The following SLC25A13 variants were observed in gnomAD, a reference collection of about 807,000 sequenced individuals.
SLC25A13 encodes electrogenic aspartate/glutamate antiporter SLC25A13, mitochondrial.
In SLC25A13, 70 loss-of-function variants were observed where a neutral mutation model predicts 85.5. The ratio of observed to expected loss-of-function variants is 0.82; its 90% CI spans 0.68 to 1.00. The LOEUF (loss-of-function observed/expected upper bound fraction) is 1.00, where lower values mean the gene tolerates loss of function less well. Ranked by LOEUF, SLC25A13 falls within the 50% of genes least tolerant of loss-of-function variation. SLC25A13 has a pLI of 0.00. For synonymous variants in SLC25A13, 259 were observed against 288.7 expected, an observed-to-expected ratio of 0.90 and a Z score of 1.04; for missense variants, 765 against 819.8, an observed-to-expected ratio of 0.93 and a Z score of 0.82.
chr7:96,145,681 C>CAATG (rs1182497050), intron 14 of SLC25A13, among the ~76,000 whole-genome samples: 1 of 152,102 alleles, frequency 6.6e-6, no homozygotes, highest in Non-Finnish European at 1.5e-5. Flanking sequence ...AAAATGAAGA[C>CAATG]AATGTATTCT....
chr7:96,188,798 C>G (rs1216234934), intron 9 of SLC25A13, among the ~76,000 whole-genome samples: 2 of 152,200 alleles, frequency 1.3e-5, no homozygotes, highest in African/African-American at 2.4e-5. Flanking sequence ...GAAAATAGGT[C>G]TGAAAGCCTT....
chr7:96,271,206 C>T (rs1209755109), intron 3 of SLC25A13, among the ~76,000 whole-genome samples: 3 of 152,102 alleles, frequency 2.0e-5, no homozygotes, highest in South Asian at 2.1e-4. Flanking sequence ...CTTCTATTCC[C>T]GGGCTTTCGT....
At chr7:96,182,334 T>C (rs1794448472) in intron 11 of SLC25A13, among the ~76,000 whole-genome samples, 1 of 152,206 alleles carries the variant, frequency 6.6e-6, no homozygotes, top group African/African-American at 2.4e-5. Flanking sequence ...AGAAAAGATA[T>C]CAGGAAGAAA....
At chr7:96,285,066 C>T (rs1173583354) in intron 2 of SLC25A13, among the ~76,000 whole-genome samples, 1 of 152,212 alleles carries the variant, frequency 6.6e-6, no homozygotes, top group African/African-American at 2.4e-5. Flanking sequence ...CACGCATCAT[C>T]TCTTTTCCTC....
intron 7 of SLC25A13, among the ~76,000 whole-genome samples, chr7:96,190,242 G>A (rs971717125): frequency 6.6e-6 from 1 of 151,530 alleles, no homozygotes; most frequent in African/African-American, 2.4e-5. Context: ...GTGCCACCAT[G>A]CCCTGCTAAT....
chr7:96,164,140 A>G (rs1793640261), intron 13 of SLC25A13, among the ~76,000 whole-genome samples: 1 of 152,224 alleles, frequency 6.6e-6, no homozygotes, highest in South Asian at 2.1e-4. Context: ...TTTAACAAAC[A>G]CACTGTGGCT....
chr7:96,279,001 T>C (rs1017074708), intron 2 of SLC25A13, among the ~76,000 whole-genome samples: 1 of 152,224 alleles, frequency 6.6e-6, no homozygotes, highest in African/African-American at 2.4e-5. Context: ...CAGTTTTTTG[T>C]ATTTTTAAAT....
chr7:96,135,726 G>C (rs1396582734), intron 14 of SLC25A13, among the ~76,000 whole-genome samples: 1 of 152,060 alleles, frequency 6.6e-6, no homozygotes, highest in African/African-American at 2.4e-5. Flanking sequence ...TGCTGCCCTA[G>C]AGCCTGCATC....
At chr7:96,177,166 T>G (rs1794253076) in intron 11 of SLC25A13, among the ~76,000 whole-genome samples, 1 of 152,188 alleles carries the variant, frequency 6.6e-6, no homozygotes, top group South Asian at 2.1e-4. Context: ...CTGAATCATG[T>G]TCACAGTCCA....
At chr7:96,282,514 T>C (rs545657368) in intron 2 of SLC25A13, among the ~76,000 whole-genome samples, 5 of 152,298 alleles carry the variant, frequency 3.3e-5, no homozygotes, top group South Asian at 2.1e-4. Flanking sequence ...TTCCCTGTTA[T>C]AGGGATGGAA....
At chr7:96,316,464 G>C (rs1777233772) in intron 1 of SLC25A13, among the ~76,000 whole-genome samples, 1 of 152,136 alleles carries the variant, frequency 6.6e-6, no homozygotes, top group Admixed American at 6.5e-5. Context: ...ATACCCGATG[G>C]CATGTGAACT....
chr7:96,314,499 G>A (rs1047024448), intron 1 of SLC25A13, among the ~76,000 whole-genome samples: 2 of 152,082 alleles, frequency 1.3e-5, no homozygotes, highest in East Asian at 1.9e-4. Flanking sequence ...TTACCTCCAA[G>A]CAGAACCAAC....
chr7:96,281,580 C>A (rs1424481296), intron 2 of SLC25A13, among the ~76,000 whole-genome samples: 1 of 152,046 alleles, frequency 6.6e-6, no homozygotes, highest in African/African-American at 2.4e-5. Context: ...CAACTGGTTA[C>A]CCTTGGTGGG....
intron 7 of SLC25A13, among the ~76,000 whole-genome samples, chr7:96,190,200 T>C (rs752380258): frequency 3.3e-5 from 5 of 151,022 alleles, no homozygotes; most frequent in African/African-American, 1.2e-4. Context: ...TTCCCCTGCC[T>C]CAGCCTCCCA....
intron 12 of SLC25A13, among the ~76,000 whole-genome samples, chr7:96,170,781 A>AC (rs1793961255): frequency 6.6e-6 from 1 of 152,254 alleles, no homozygotes. Flanking sequence ...CTCCAAAGCT[A>AC]CGCAGCCCAA....
At chr7:96,145,523 T>C (rs961957402) in intron 14 of SLC25A13, among the ~76,000 whole-genome samples, 2 of 152,202 alleles carry the variant, frequency 1.3e-5, no homozygotes, top group Non-Finnish European at 2.9e-5. Context: ...TGTTACATTA[T>C]GGGGACCAGT....
intron 2 of SLC25A13, among the ~76,000 whole-genome samples, chr7:96,286,907 TG>T (rs1281073179): frequency 3.3e-5 from 5 of 152,208 alleles, no homozygotes; most frequent in African/African-American, 1.2e-4. Context: ...TCACACCTGG[TG>T]TGAAGGCTGC....
chr7:96,213,207 A>G (rs1795769303), intron 4 of SLC25A13, among the ~76,000 whole-genome samples: 1 of 152,184 alleles, frequency 6.6e-6, no homozygotes, highest in Non-Finnish European at 1.5e-5. Flanking sequence ...CATGAATAGA[A>G]ACATCTATAA....
rs549127459 is a variant in SLC25A13 at position 96,171,397 on chromosome 7, C to T, written c.1230+75G>A. 3.7e-6 allele frequency: 5 copies of T among 1,356,664 alleles called. 1 individual carries two copies. The East Asian group carries it at 1.2e-4, about 31-fold the overall frequency. The allele number at this position is 1,356,664 out of a possible 1,614,324, so 84.0% of individuals were successfully genotyped here. ...CTCTGAGAAAACAAACCTGCTGTTT[C>T]CTATAAGAATACCTGCTAGATTCTT... On this transcript the variant is annotated intron_variant, in intron 12 of 17. Coordinates refer to ENST00000265631, the MANE Select transcript of SLC25A13 (RefSeq NM_014251.3).
Sources: allele counts gnomAD v4.1 joint callset (sites outside exome capture counted in the v4.1 genomes callset), GRCh38; gene constraint gnomAD v4.1.1; transcripts MANE v1.5; gene names NCBI Gene and HGNC (gene_info 2026-07-23, HGNC 2026-07-21).